The following ZFHX3 variants were observed in gnomAD, a reference collection of about 807,000 sequenced individuals.
ZFHX3 encodes the protein zinc finger homeobox 3, also known as zinc finger homeobox protein 3.
ZFHX3 carries 42 observed loss-of-function variants against 279.1 expected under a neutral mutation model. The ratio of observed to expected loss-of-function variants is 0.15; its 90% CI spans 0.12 to 0.19. The LOEUF (loss-of-function observed/expected upper bound fraction) is 0.19. Ranked by LOEUF, ZFHX3 falls within the 10% of genes least tolerant of loss-of-function variation. ZFHX3 has a pLI of 1.00. For synonymous variants in ZFHX3, 2,293 were observed against 1,957.8 expected, an observed-to-expected ratio of 1.17 and a Z score of -4.52; for missense variants, 4,981 against 4,754.0, an observed-to-expected ratio of 1.05 and a Z score of -1.40.
chr16:72,997,827 C>T (rs548812158), intron 1 of ZFHX3, among the ~76,000 whole-genome samples: 1 of 152,300 alleles, frequency 6.6e-6, no homozygotes, highest in Non-Finnish European at 1.5e-5. Flanking sequence ...CAGCTGCAAT[C>T]CTGACACTTT....
intron 2 of ZFHX3, among the ~76,000 whole-genome samples, chr16:73,549,258 A>G (rs949031412): frequency 1.3e-5 from 2 of 152,176 alleles, no homozygotes; most frequent in East Asian, 1.9e-4. Flanking sequence ...AATATGAAAA[A>G]CAGCATTATT....
intron 1 of ZFHX3, among the ~76,000 whole-genome samples, chr16:73,701,731 A>C (rs922521839): frequency 6.6e-6 from 1 of 152,020 alleles, no homozygotes; most frequent in African/African-American, 2.4e-5. Flanking sequence ...CTAAAAAATG[A>C]CCCCTGTCAT....
intron 1 of ZFHX3, among the ~76,000 whole-genome samples, chr16:73,803,048 G>A (rs990323789): frequency 3.9e-5 from 6 of 152,148 alleles, no homozygotes; most frequent in East Asian, 3.9e-4. Context: ...AGATTTGCCC[G>A]CCTCAGCCTC....
At chr16:72,890,468 G>T (rs556030868) in intron 3 of ZFHX3, among the ~76,000 whole-genome samples, 1 of 151,212 alleles carries the variant, frequency 6.6e-6, no homozygotes, top group South Asian at 2.1e-4. Flanking sequence ...GGACTAATGA[G>T]GTCTTCAACT....
chr16:73,564,322 C>T (rs887522934), intron 2 of ZFHX3, among the ~76,000 whole-genome samples: 1 of 152,140 alleles, frequency 6.6e-6, no homozygotes, highest in Non-Finnish European at 1.5e-5. Context: ...CCACAGCTTC[C>T]GCCGATTCCA....
In ZFHX3 at chr16:72,788,913, G is replaced by A. The variant is rs1022405793; in HGVS notation, c.9428-65C>T. ...CAGGGGTAGGGCTGAAGCTCAAGAC[G>A]TTTTACCGGTGTCACTGGCACACAG... On this transcript the variant is annotated intron_variant, in intron 9 of 9. Coordinates refer to ENST00000268489, the MANE Select transcript of ZFHX3 (RefSeq NM_006885.4). 3.6e-5 allele frequency: 54 copies of A among 1,498,936 alleles called. No homozygotes were observed. In the Admixed American group the frequency reaches 7.5e-4, roughly 21 times the overall value. 92.9% of individuals were successfully genotyped at this position (1,498,936 alleles called of 1,614,324 possible).
chr16:73,396,107 G>A (rs1665861949), intron 3 of ZFHX3, among the ~76,000 whole-genome samples: 2 of 152,178 alleles, frequency 1.3e-5, no homozygotes, highest in African/African-American at 4.8e-5. Context: ...GTGGCTGAAG[G>A]ACCTAAATGG....
At chr16:73,843,655 T>C (rs1013935476) in intron 1 of ZFHX3, among the ~76,000 whole-genome samples, 1 of 152,222 alleles carries the variant, frequency 6.6e-6, no homozygotes, top group Non-Finnish European at 1.5e-5. Flanking sequence ...TCATCTGCCT[T>C]CAATCCCCGC....
chr16:73,612,674 G>C (rs1461212198), intron 2 of ZFHX3, among the ~76,000 whole-genome samples: 1 of 152,142 alleles, frequency 6.6e-6, no homozygotes, highest in Non-Finnish European at 1.5e-5. Context: ...GAATTGAAGA[G>C]AGTGTGAGGA....
At chr16:72,976,175 A>G (rs890460792) in intron 1 of ZFHX3, among the ~76,000 whole-genome samples, 1 of 152,202 alleles carries the variant, frequency 6.6e-6, no homozygotes, top group African/African-American at 2.4e-5. Flanking sequence ...CTGAAGCTGC[A>G]CCCTCTCTCC....
At chr16:73,579,676 G>C (rs1325912697) in intron 2 of ZFHX3, among the ~76,000 whole-genome samples, 3 of 149,880 alleles carry the variant, frequency 2.0e-5, no homozygotes, top group Non-Finnish European at 3.0e-5. Flanking sequence ...TAATTTTTTT[G>C]TATTTTTAGT....
chr16:73,074,997 G>T (rs1172171295), intron 8 of ZFHX3, among the ~76,000 whole-genome samples: 2 of 151,866 alleles, frequency 1.3e-5, no homozygotes, highest in East Asian at 3.9e-4. Context: ...TTGTAGAGAC[G>T]GGGTTTTGCC....
At chr16:72,801,930 G>A (rs756626254) in intron 7 of ZFHX3, among the ~76,000 whole-genome samples, 5 of 151,764 alleles carry the variant, frequency 3.3e-5, no homozygotes, top group Non-Finnish European at 7.4e-5. Context: ...AAGGAAAAAA[G>A]ACTCCCCCCC....
intron 8 of ZFHX3, among the ~76,000 whole-genome samples, chr16:73,074,637 A>G (rs991702806): frequency 2.4e-4 from 34 of 144,384 alleles, no homozygotes; most frequent in Non-Finnish European, 9.2e-5. Flanking sequence ...TAAACTGCAG[A>G]TGCCGATTCC....
At chr16:73,790,232 C>G (rs967320996) in intron 1 of ZFHX3, among the ~76,000 whole-genome samples, 2 of 149,358 alleles carry the variant, frequency 1.3e-5, no homozygotes, top group Non-Finnish European at 3.0e-5. Flanking sequence ...TTACAGGGAT[C>G]TGAAACATCA....
At chr16:73,726,202 C>T (rs1375224469) in intron 1 of ZFHX3, among the ~76,000 whole-genome samples, 1 of 152,190 alleles carries the variant, frequency 6.6e-6, no homozygotes, top group East Asian at 1.9e-4. Flanking sequence ...GAAACCCTCA[C>T]ATAAGTGTGT....
At chr16:73,600,525 C>G (rs2052101376) in intron 2 of ZFHX3, among the ~76,000 whole-genome samples, 1 of 151,188 alleles carries the variant, frequency 6.6e-6, no homozygotes, top group African/African-American at 2.4e-5. Flanking sequence ...TCAAGCCATT[C>G]TCCTGCCTCA....
intron 4 of ZFHX3, among the ~76,000 whole-genome samples, chr16:73,313,994 G>A (rs1417438661): frequency 6.6e-6 from 1 of 152,174 alleles, no homozygotes; most frequent in Non-Finnish European, 1.5e-5. Flanking sequence ...AGCTCCTTGA[G>A]AGGCTGAGGT....
chr16:73,708,784 C>T (rs977331231), intron 1 of ZFHX3, among the ~76,000 whole-genome samples: 3 of 152,230 alleles, frequency 2.0e-5, no homozygotes, highest in African/African-American at 7.2e-5. Flanking sequence ...TATTTATCCT[C>T]TTTGTAGGGG....
Sources: gnomAD v4.1 joint callset for allele counts (sites outside exome capture counted in the v4.1 genomes callset) on GRCh38, gnomAD v4.1.1 for gene constraint, MANE v1.5 for transcripts, NCBI Gene and HGNC (gene_info 2026-07-23, HGNC 2026-07-21) for gene names.